Variants in PARL observed in about 807,000 individuals in gnomAD.
PARL encodes presenilin-associated rhomboid-like protein, mitochondrial.
In PARL, 44 loss-of-function variants were observed where a neutral mutation model predicts 51.6. That is an observed-to-expected ratio of 0.85 (90% CI 0.67 to 1.10). The LOEUF is 1.10. Ranked by LOEUF, PARL falls within the 50% of genes least tolerant of loss-of-function variation. The probability of loss-of-function intolerance (pLI) is 0.00; values close to 1 mark genes in which losing one functional copy is unlikely to be tolerated. For synonymous variants in PARL, 172 were observed against 164.0 expected (o/e 1.05, Z -0.37); for missense variants, 441 against 469.5 (o/e 0.94, Z 0.56).
rs562124964 is a variant in PARL, at chr3:183,882,872, G to A, written c.125+1850C>T. The stretch of plus-strand genomic sequence containing the variant: ...TATTATTAATACATCAAATGACACG[G>A]ATTGGGTCATTCTTCTGCACGCTAA... On this transcript the variant is annotated intron_variant, in intron 1 of 9. Coordinates refer to ENST00000317096, the MANE Select transcript of PARL (RefSeq NM_018622.7). Among the ~76,000 whole-genome samples, 328 of 152,134 alleles carry A rather than the reference G, an allele frequency of 2.2e-3. 2 individuals are homozygous for A. The highest frequency in any genetic ancestry group is 7.6e-3 in the African/African-American group (317 of 41,486).
intron 5 of PARL, 137 bp from the exon 6 acceptor site, chr3:183,842,584 C>T (rs557491934): frequency 4.1e-5 from 30 of 724,872 alleles, no homozygotes; most frequent in African/African-American, 2.6e-4. Flanking sequence ...CCAAGGCAGG[C>T]GGATCACTAA....
chr3:183,870,195 G>A lies in PARL; in HGVS notation c.126-2135C>T, dbSNP rs112387156. 6.0e-3 allele frequency among the ~76,000 whole-genome samples: 97 copies of A among 16,276 alleles called. 1 individual carries two copies. Among genetic ancestry groups the A allele is most frequent in the Non-Finnish European group, 0.01 (89 of 8,880 alleles). The allele number at this position is 16,276 out of a possible 152,430, so 10.7% of individuals were successfully genotyped here. A position where few individuals can be genotyped will look rare whatever the true frequency, so the allele number is the denominator to read the frequency against. On this transcript the variant is annotated intron_variant, in intron 1 of 9. Coordinates refer to ENST00000317096, the MANE Select transcript of PARL (RefSeq NM_018622.7). ...CGGGAGGCTGAGGCAGAAGAATCGC[G>A]TGAACCTGGGAGGCAGAGGTTGCAG...
intron 4 of PARL, among the ~76,000 whole-genome samples, chr3:183,855,423 T>C (rs1057065996): frequency 2.0e-5 from 3 of 152,124 alleles, no homozygotes; most frequent in Non-Finnish European, 2.9e-5. Context: ...ATTACAAGTG[T>C]GGGCCACCAC....
chr3:183,852,211 A>G (rs1408590865), intron 4 of PARL, among the ~76,000 whole-genome samples: 2 of 152,208 alleles, frequency 1.3e-5, no homozygotes, highest in Admixed American at 1.3e-4. Flanking sequence ...ACCTTTGTAC[A>G]TCACAGCATT....
At chr3:183,834,546 A>G (rs907511253) in intron 7 of PARL, among the ~76,000 whole-genome samples, 1 of 152,220 alleles carries the variant, frequency 6.6e-6, no homozygotes, top group African/African-American at 2.4e-5. Flanking sequence ...ATTTATCTTT[A>G]GTAGAAGTAG....
At chr3:183,848,843 G>A (rs570302609) in intron 4 of PARL, among the ~76,000 whole-genome samples, 1 of 152,264 alleles carries the variant, frequency 6.6e-6, no homozygotes, top group Non-Finnish European at 1.5e-5. Context: ...GGAAAAGCAG[G>A]GGAATAAGAT....
At chr3:183,848,509 G>A (rs1446769971) in intron 4 of PARL, among the ~76,000 whole-genome samples, 3 of 152,178 alleles carry the variant, frequency 2.0e-5, no homozygotes, top group South Asian at 4.1e-4. Context: ...CCAAAGCTTT[G>A]CAGCATTTTA....
intron 5 of PARL, 67 bp downstream of exon 5, chr3:183,844,164 A>G: frequency 9.0e-7 from 1 of 1,114,238 alleles, no homozygotes; most frequent in Non-Finnish European, 1.4e-6. Context: ...CAGCACTTCC[A>G]TTAACTAAAG....
At chr3:183,872,154 G>A (rs1005337572) in intron 1 of PARL, among the ~76,000 whole-genome samples, 3 of 152,038 alleles carry the variant, frequency 2.0e-5, no homozygotes. Context: ...GGCATGTACT[G>A]CCACACCTGG....
rs374730541 is a variant in PARL at position 183,833,407 on chromosome 3, G to A, written c.1028+85C>T. ...TGCATAGTTCAATGTCTCTGCCATG[G>A]GGATGGGGGGTAGGGGTGAGGCTGG... On this transcript the variant is annotated intron_variant, in intron 9 of 9. Coordinates refer to ENST00000317096, the MANE Select transcript of PARL (RefSeq NM_018622.7). 1.6e-4 allele frequency: 135 copies of A among 839,320 alleles called. 2 individuals carry two copies. The highest frequency in any genetic ancestry group is 1.4e-3 in the East Asian group (56 of 40,930). 52.0% of individuals were successfully genotyped at this position (839,320 alleles called of 1,614,324 possible).
Position 183,868,027 on chromosome 3 carries a change from G to A in PARL, c.159C>T (p.Phe53=). ...GTTCAACCTTCCTGGGTGCTTTTCT[G>A]AATCCGCATTTTTGTTGAATAAAGA... ...FNFFIQQKCG[F]RKAPRKVEPR... The change falls in exon 2 of 10, where the codon TTC becomes TTT. Residue 53 remains phenylalanine, a synonymous_variant. Transcript: ENST00000317096. 1.2e-6 allele frequency: 2 copies of A among 1,614,142 alleles called. No homozygotes were observed. Among genetic ancestry groups the A allele is most frequent in the East Asian group, 4.5e-5 (2 of 44,876 alleles).
chr3:183,880,558 C>T (rs528197165), intron 1 of PARL, among the ~76,000 whole-genome samples: 2 of 152,110 alleles, frequency 1.3e-5, no homozygotes, highest in African/African-American at 4.8e-5. Flanking sequence ...CCTGCCACCA[C>T]ACCTGGCTAA....
intron 4 of PARL, among the ~76,000 whole-genome samples, chr3:183,851,230 A>C (rs1202714748): frequency 6.6e-6 from 1 of 152,238 alleles, no homozygotes; most frequent in Non-Finnish European, 1.5e-5. Flanking sequence ...CATCTTTGTG[A>C]CTTTGAATTA....
chr3:183,842,579 G>A (rs1336262468), intron 5 of PARL, 132 bp from the exon 6 acceptor site: 4 of 758,868 alleles, frequency 5.3e-6, no homozygotes, highest in Non-Finnish European at 9.0e-6. Flanking sequence ...GGAGGCCAAG[G>A]CAGGCGGATC....
intron 4 of PARL, among the ~76,000 whole-genome samples, chr3:183,860,995 T>A (rs1412575755): frequency 6.6e-6 from 1 of 152,134 alleles, no homozygotes; most frequent in East Asian, 1.9e-4. Context: ...TTTGTATTTT[T>A]AGTAGAGATG....
At chr3:183,866,037 G>A (rs962667225) in intron 3 of PARL, among the ~76,000 whole-genome samples, 7 of 152,006 alleles carry the variant, frequency 4.6e-5, no homozygotes, top group South Asian at 2.1e-4. Context: ...GCACCACCAC[G>A]CCTGGCTAAT....
intron 7 of PARL, among the ~76,000 whole-genome samples, chr3:183,837,070 C>G (rs931412201): frequency 8.5e-5 from 13 of 152,148 alleles, no homozygotes; most frequent in Non-Finnish European, 1.9e-4. Flanking sequence ...TCTATATAAT[C>G]TTCAAATCTA....
At chr3:183,864,060 G>A (rs1442759949) in intron 3 of PARL, among the ~76,000 whole-genome samples, 1 of 152,176 alleles carries the variant, frequency 6.6e-6, no homozygotes, top group Non-Finnish European at 1.5e-5. Context: ...CAGGATAATG[G>A]AATAGGTCAG....
At chr3:183,850,296 G>A (rs940404491) in intron 4 of PARL, among the ~76,000 whole-genome samples, 1 of 152,118 alleles carries the variant, frequency 6.6e-6, no homozygotes. Flanking sequence ...GCTTCTGGTG[G>A]CTCTCGACAA....
Sources: allele counts gnomAD v4.1 joint callset (sites outside exome capture counted in the v4.1 genomes callset), GRCh38; gene constraint gnomAD v4.1.1; transcripts MANE v1.5; gene names NCBI Gene and HGNC (gene_info 2026-07-23, HGNC 2026-07-21).